ABCC5: variants seen among roughly 807,000 people sequenced by gnomAD.
The protein encoded by ABCC5 is ATP-binding cassette sub-family C member 5.
ABCC5 carries 61 observed loss-of-function variants against 160.9 expected under a neutral mutation model. The observed-to-expected ratio is 0.38, with a 90% CI of 0.31 to 0.47. The LOEUF is 0.47. Ranked by LOEUF, ABCC5 falls within the 20% of genes least tolerant of loss-of-function variation. ABCC5 has a pLI of 0.99. For missense variants in ABCC5, 1,308 were observed against 1,813.3 expected, an observed-to-expected ratio of 0.72 and a Z score of 5.06; for synonymous variants, 666 against 700.6, an observed-to-expected ratio of 0.95 and a Z score of 0.78.
intron 2 of ABCC5, among the ~76,000 whole-genome samples, chr3:184,003,916 C>T (rs1720956686): frequency 6.6e-6 from 1 of 152,118 alleles, no homozygotes; most frequent in African/African-American, 2.4e-5. Context: ...ACAGGAAACA[C>T]TTGGAGCCAT....
At chr3:183,962,524 GT>G (rs971384239) in intron 15 of ABCC5, among the ~76,000 whole-genome samples, 2 of 147,994 alleles carry the variant, frequency 1.4e-5, no homozygotes, top group Non-Finnish European at 3.0e-5. Flanking sequence ...AGTTCCTCCA[GT>G]TTTTTTCTTT....
At chr3:183,934,694 A>G (rs980516103) in intron 26 of ABCC5, among the ~76,000 whole-genome samples, 31 of 152,206 alleles carry the variant, frequency 2.0e-4, no homozygotes, top group African/African-American at 7.5e-4. Flanking sequence ...TATAATTTAA[A>G]AAAGCAGAGA....
intron 23 of ABCC5, 50 bp downstream of exon 23, chr3:183,947,274 G>C (rs1016752): frequency 0.64 from 969,931 of 1,508,722 alleles, 317,560 homozygotes; most frequent in East Asian, 0.93. Flanking sequence ...TACGTCAGCA[G>C]AGGAAGGGCT....
intron 2 of ABCC5, among the ~76,000 whole-genome samples, chr3:183,992,552 A>G (rs941343490): frequency 1.7e-4 from 26 of 152,234 alleles, no homozygotes; most frequent in Non-Finnish European, 2.2e-4. Context: ...TTGGGAGGCC[A>G]AGGTGGGCGG....
At chr3:184,009,944 T>A (rs1367501326) in intron 2 of ABCC5, 1 of 426,598 alleles carries the variant, frequency 2.3e-6, no homozygotes. Context: ...AAGCTGGGAG[T>A]TCAACAACAG....
chr3:183,938,636 T>C (rs989327278), intron 25 of ABCC5, among the ~76,000 whole-genome samples: 2 of 152,058 alleles, frequency 1.3e-5, no homozygotes, highest in Non-Finnish European at 2.9e-5. Context: ...GAAAAATGCC[T>C]CCTGGTCACC....
chr3:183,974,591 G>A (rs754492192), intron 10 of ABCC5, among the ~76,000 whole-genome samples: 1 of 152,190 alleles, frequency 6.6e-6, no homozygotes, highest in Non-Finnish European at 1.5e-5. Context: ...TTACAGGCGT[G>A]AGCCACCATG....
At chr3:184,001,583 A>G (rs943879031) in intron 2 of ABCC5, among the ~76,000 whole-genome samples, 2 of 152,166 alleles carry the variant, frequency 1.3e-5, no homozygotes, top group Admixed American at 1.3e-4. Context: ...TACTAGCTCT[A>G]GCAGGTAAAG....
chr3:183,922,816 C>T (rs1712135293), intron 29 of ABCC5, among the ~76,000 whole-genome samples: 1 of 127,538 alleles, frequency 7.8e-6, no homozygotes, highest in African/African-American at 2.9e-5. Context: ...ACAAGGAGAA[C>T]ATAAGCGTGT....
At chr3:183,990,237 A>AG (rs1279012212) in intron 2 of ABCC5, among the ~76,000 whole-genome samples, 5 of 151,814 alleles carry the variant, frequency 3.3e-5, no homozygotes, top group East Asian at 3.9e-4. Flanking sequence ...GCCTCCGAGT[A>AG]GGGGGGTTAC....
chr3:183,921,446 C>T lies in ABCC5; in HGVS notation c.4213-45G>A, dbSNP rs1391036790. On this transcript the variant is annotated intron_variant, in intron 29 of 29. Coordinates refer to ENST00000334444, the MANE Select transcript of ABCC5 (RefSeq NM_005688.4). The surrounding 1 kb of genome is among the most constrained non-coding windows in gnomAD (Gnocchi z 4.1). ...CGTCAGGACACAGCTCTGGGTCATG[C>T]AGGGTGATTCAGAGGATCCACGGCT... 1.9e-6 allele frequency: 3 copies of T among 1,570,806 alleles called. No homozygotes were observed. Among genetic ancestry groups the T allele is most frequent in the South Asian group, 2.4e-5 (2 of 84,890 alleles).
At position 183,925,734 on chromosome 3, in the gene ABCC5, G is replaced by T; in HGVS notation, c.4048-15C>A. 1 of 1,607,102 alleles carries T rather than the reference G, an allele frequency of 6.2e-7. No individual in the cohort carries two copies. The highest frequency in any genetic ancestry group is 1.7e-5 in the Admixed American group (1 of 57,646). On this transcript the variant is annotated splice_polypyrimidine_tract_variant and intron_variant, in intron 28 of 29. Coordinates refer to ENST00000334444, the MANE Select transcript of ABCC5 (RefSeq NM_005688.4). ...AAAATCAGAATCTGCCAGAGAAGCA[G>T]AGGAGAAAGAAACTCGATTAAATTC...
rs1716957658 is a variant in ABCC5 at position 183,963,509 on chromosome 3, C to T, written c.2111G>A (p.Ser704Asn). The change falls in exon 15 of 30, where the codon AGC becomes AAC. Residue 704 changes from serine (S) to asparagine (N), a missense_variant. This residue lies in a region of ABCC5 where 1,142 missense variants were observed against 1,527.1 expected (regional missense o/e 0.75). Coordinates refer to ENST00000334444, the MANE Select transcript of ABCC5 (RefSeq NM_005688.4). This position sits in a 1 kb window ranked among gnomAD's most constrained non-coding sequence, Gnocchi z 4.6. Reference protein sequence around the residue: ...SLARALYSDRSIYILDDPLSA... With the variant: ...SLARALYSDRNIYILDDPLSA... The stretch of plus-strand genomic sequence containing the variant: ...GAGGGGGTCGTCCAGGATGTAGATG[C>T]TCCTGTCACTATACAAGGCCCGGGC... The T allele has an allele frequency of 2.5e-6, 4 of 1,614,238 alleles. No individual in the cohort carries two copies. The highest frequency in any genetic ancestry group is 3.4e-6 in the Non-Finnish European group (4 of 1,180,046).
chr3:183,979,116 G>A (rs1371669968), intron 8 of ABCC5, among the ~76,000 whole-genome samples: 1 of 152,214 alleles, frequency 6.6e-6, no homozygotes, highest in Non-Finnish European at 1.5e-5. Context: ...GCCCAAAGCA[G>A]GGGGAATCAC....
intron 2 of ABCC5, among the ~76,000 whole-genome samples, chr3:184,004,169 T>C (rs919499156): frequency 9.2e-5 from 14 of 151,830 alleles, no homozygotes; most frequent in Non-Finnish European, 1.6e-4. Flanking sequence ...TATTGGTCTT[T>C]TGCATTTGAC....
In ABCC5 at chr3:184,017,208, C is replaced by T. The variant is rs1336040031; in HGVS notation, c.-56+622G>A. On this transcript the variant is annotated intron_variant, in intron 1 of 29. Coordinates refer to ENST00000334444, the MANE Select transcript of ABCC5 (RefSeq NM_005688.4). The surrounding 1 kb of genome is among the most constrained non-coding windows in gnomAD (Gnocchi z 4.5). ...GTGATAAACACAAAGCCACCCGCGG[C>T]TCTGTGTGGCAGAAGCGAAAAGAGC... The T allele has an allele frequency of 6.6e-6, 1 of 152,400 alleles. No individual in the cohort carries two copies. Among genetic ancestry groups the T allele is most frequent in the African/African-American group, 2.4e-5 (1 of 41,464 alleles). 9.4% of individuals were successfully genotyped at this position (152,400 alleles called of 1,614,324 possible).
intron 2 of ABCC5, among the ~76,000 whole-genome samples, chr3:183,993,923 T>C (rs6769040): frequency 0.036 from 5,509 of 151,810 alleles, 326 homozygotes; most frequent in African/African-American, 0.12. Flanking sequence ...GTTTGAAAAA[T>C]ATATCCACTA....
intron 15 of ABCC5, among the ~76,000 whole-genome samples, chr3:183,962,679 G>A (rs1481763298): frequency 2.6e-5 from 4 of 151,920 alleles, no homozygotes; most frequent in Admixed American, 1.3e-4. Context: ...TTGCAGGCAC[G>A]TGCCACCATG....
At chr3:184,002,464 T>A (rs894881467) in intron 2 of ABCC5, among the ~76,000 whole-genome samples, 2 of 151,540 alleles carry the variant, frequency 1.3e-5, no homozygotes, top group East Asian at 3.9e-4. Context: ...CTGTCAAGGT[T>A]CAAACAAAGA....
Sources: allele counts gnomAD v4.1 joint callset (sites outside exome capture counted in the v4.1 genomes callset), GRCh38; gene constraint gnomAD v4.1.1; regional missense constraint gnomAD v4.1.1; non-coding constraint Gnocchi (gnomAD v3.1); transcripts MANE v1.5; gene names NCBI Gene and HGNC (gene_info 2026-07-23, HGNC 2026-07-21).